Variants in NAP1L4 observed in about 807,000 individuals in gnomAD.
NAP1L4 encodes the protein nucleosome assembly protein 1 like 4.
In NAP1L4, 15 loss-of-function variants were observed where a neutral mutation model predicts 58.2. The ratio of observed to expected loss-of-function variants is 0.26; its 90% CI spans 0.17 to 0.40. The LOEUF (loss-of-function observed/expected upper bound fraction) is 0.40. Among genes scored for constraint, NAP1L4 ranks in the 10% least tolerant of loss-of-function variants. The pLI, the probability that NAP1L4 is intolerant of heterozygous loss-of-function variation, is 1.00. For missense variants in NAP1L4, 384 were observed against 451.1 expected (o/e 0.85, Z 1.35); for synonymous variants, 171 against 155.6 (o/e 1.10, Z -0.74).
rs756382473 is a variant in NAP1L4 at position 2,951,238 on chromosome 11, G to A, written c.1122+21C>T. ...GAGTGCAGCATAATAAGTAGGTCTG[G>A]GTGGCCCCAAAGTTACCAACCTTGG... On this transcript the variant is annotated intron_variant, in intron 14 of 15. Transcript: ENST00000380542. The surrounding 1 kb of genome is among the most constrained non-coding windows in gnomAD (Gnocchi z 4.0). 5.0e-6 allele frequency: 8 copies of A among 1,608,742 alleles called. No individual in the cohort carries two copies. In the East Asian group the frequency reaches 8.9e-5, roughly 18 times the overall value.
chr11:2,984,572 A>G (rs1848517226), intron 1 of NAP1L4, among the ~76,000 whole-genome samples: 1 of 152,186 alleles, frequency 6.6e-6, no homozygotes, highest in Non-Finnish European at 1.5e-5. Context: ...ACTCTGTCTC[A>G]AAAAACAAAC....
intron 1 of NAP1L4, among the ~76,000 whole-genome samples, chr11:2,980,156 T>C (rs1327914930): frequency 6.6e-6 from 1 of 152,244 alleles, no homozygotes; most frequent in African/African-American, 2.4e-5. Flanking sequence ...CATTTACTTC[T>C]TAAATAGAAG....
intron 15 of NAP1L4, among the ~76,000 whole-genome samples, chr11:2,947,618 G>GAA (rs879935518): frequency 9.7e-5 from 14 of 144,122 alleles, no homozygotes; most frequent in African/African-American, 3.0e-4. Flanking sequence ...GACACATGCC[G>GAA]AAAAAAAAAA....
chr11:2,975,404 T>C (rs917367812), intron 4 of NAP1L4, among the ~76,000 whole-genome samples: 9 of 152,024 alleles, frequency 5.9e-5, no homozygotes, highest in Admixed American at 2.6e-4. Flanking sequence ...ATTTTCATAG[T>C]GCAATACATC....
At chr11:2,987,864 G>A (rs1848738294) in intron 1 of NAP1L4, among the ~76,000 whole-genome samples, 1 of 151,962 alleles carries the variant, frequency 6.6e-6, no homozygotes, top group Non-Finnish European at 1.5e-5. Context: ...GAAGTCCCAA[G>A]GCCCAGCAAC....
At chr11:2,974,897 G>A (rs995502998) in intron 4 of NAP1L4, among the ~76,000 whole-genome samples, 6 of 152,120 alleles carry the variant, frequency 3.9e-5, no homozygotes, top group Non-Finnish European at 7.3e-5. Flanking sequence ...GAGTGGTGGC[G>A]TGCACCTGCA....
intron 1 of NAP1L4, among the ~76,000 whole-genome samples, chr11:2,985,417 A>T (rs145971267): frequency 9.8e-4 from 150 of 152,314 alleles, no homozygotes; most frequent in African/African-American, 3.5e-3. Context: ...TTTAAATGTT[A>T]TGTTCAGTTT....
Position 2,945,602 on chromosome 11 carries a change from C to G in NAP1L4, c.*77G>C. 1.3e-6 allele frequency: 2 copies of G among 1,536,046 alleles called. No homozygotes were observed. The highest frequency in any genetic ancestry group is 8.7e-7 in the Non-Finnish European group (1 of 1,146,858). ...AGCCGGTCTGCCAGGCACCCGCCTC[C>G]GCTTCCTACTGCTGCTTGCATTCCG... is the stretch of plus-strand genomic sequence containing the variant. On this transcript the variant is annotated 3_prime_UTR_variant, in exon 16 of 16. Coordinates refer to ENST00000380542, the MANE Select transcript of NAP1L4 (RefSeq NM_005969.4).
At chr11:2,979,260 A>G (rs781023657) in intron 1 of NAP1L4, 23 bp from the exon 2 acceptor site, 1 of 1,581,280 alleles carries the variant, frequency 6.3e-7, no homozygotes, top group Non-Finnish European at 8.6e-7. Context: ...AAGAGTTGTA[A>G]TAATTATATT....
chr11:2,976,076 A>G lies in NAP1L4; in HGVS notation c.121T>C (p.Leu41=). 6.2e-7 allele frequency: 1 copy of G among 1,614,084 alleles called. No homozygotes were observed. Among genetic ancestry groups the G allele is most frequent in the East Asian group, 2.2e-5 (1 of 44,880 alleles). Residue 41 remains leucine (L), a synonymous_variant, in exon 4 of 16, where the codon TTA becomes CTA. Coordinates refer to ENST00000380542, the MANE Select transcript of NAP1L4 (RefSeq NM_005969.4). Reference sequence around the variant, plus strand: ...GGGACATTGTCAAGTCGCTCCTGTAAAGCTGCCAGAACTCGAGGATTCTGC... The same window carrying G: ...GGGACATTGTCAAGTCGCTCCTGTAGAGCTGCCAGAACTCGAGGATTCTGC... ...VMQNPRVLAA[L]QERLDNVPHT...
intron 1 of NAP1L4, chr11:2,981,744 T>C (rs924821231): frequency 6.6e-6 from 1 of 152,160 alleles, no homozygotes; most frequent in African/African-American, 2.4e-5. Flanking sequence ...GGAGAATCGC[T>C]TGAATACAGG....
At chr11:2,986,918 C>G (rs951116374) in intron 1 of NAP1L4, among the ~76,000 whole-genome samples, 1 of 52,214 alleles carries the variant, frequency 1.9e-5, no homozygotes. Context: ...TATGAGCCAC[C>G]GCACTCTAAG....
At chr11:2,960,051 G>A (rs1422202276) in intron 8 of NAP1L4, 142 bp from the exon 9 acceptor site, 7 of 815,748 alleles carry the variant, frequency 8.6e-6, no homozygotes, top group African/African-American at 3.5e-5. Context: ...CTTCTCCACC[G>A]CAAAAAAGAC....
chr11:2,969,759 G>C (rs1191996106), intron 7 of NAP1L4, 44 bp downstream of exon 7: 3 of 1,566,538 alleles, frequency 1.9e-6, no homozygotes, highest in Admixed American at 1.9e-5. Flanking sequence ...AGTAATGTTA[G>C]AAGACTAGCA....
At chr11:2,991,989 G>C (rs1054146648) in intron 1 of NAP1L4, 1 of 152,002 alleles carries the variant, frequency 6.6e-6, no homozygotes, top group Non-Finnish European at 1.5e-5. Context: ...AGTGAGGCGG[G>C]CAGCCGGGCG....
chr11:2,949,275 A>G lies in NAP1L4; in HGVS notation c.1123-11T>C, dbSNP rs1426150405. 2 of 1,586,754 alleles carry G rather than the reference A, an allele frequency of 1.3e-6. No individual in the cohort carries two copies. The highest frequency in any genetic ancestry group is 1.1e-5 in the South Asian group (1 of 90,428). ...AGACAAAAATTACACCTAAATGGGG[A>G]AAAAAATTGAAAGGAACTGTCAGCA... On this transcript the variant is annotated splice_polypyrimidine_tract_variant and intron_variant, in intron 14 of 15. Coordinates refer to ENST00000380542, the MANE Select transcript of NAP1L4 (RefSeq NM_005969.4). This position sits in a 1 kb window ranked among gnomAD's most constrained non-coding sequence, Gnocchi z 4.0.
rs551478455 is a variant in NAP1L4 at position 2,948,080 on chromosome 11, G to A, written c.*32+1147C>T. On this transcript the variant is annotated intron_variant, in intron 15 of 15. Coordinates refer to ENST00000380542, the MANE Select transcript of NAP1L4 (RefSeq NM_005969.4). This position sits in a 1 kb window ranked among gnomAD's most constrained non-coding sequence, Gnocchi z 5.1. ...GGGGTGGCGTGGGAGAGTGGGTGAG[G>A]GTACAGGTGGAATAAGAGTGGCTAA... is the stretch of plus-strand genomic sequence containing the variant. 6.6e-6 allele frequency among the ~76,000 whole-genome samples: 1 copy of A among 152,278 alleles called. No homozygotes were observed. The highest frequency in any genetic ancestry group is 1.5e-5 in the Non-Finnish European group (1 of 68,020).
At chr11:2,976,533 T>A (rs1847974289) in intron 3 of NAP1L4, among the ~76,000 whole-genome samples, 1 of 152,170 alleles carries the variant, frequency 6.6e-6, no homozygotes, top group African/African-American at 2.4e-5. Context: ...ATCCACTAGC[T>A]CCCTTGCTCA....
chr11:2,978,904 G>C (rs182847015), intron 2 of NAP1L4, among the ~76,000 whole-genome samples: 1 of 152,284 alleles, frequency 6.6e-6, no homozygotes, highest in East Asian at 1.9e-4. Context: ...TCTTCCACTT[G>C]ATCACTGACA....
Sources: gnomAD v4.1 joint callset for allele counts (sites outside exome capture counted in the v4.1 genomes callset) on GRCh38, gnomAD v4.1.1 for gene constraint, Gnocchi (gnomAD v3.1) non-coding constraint, MANE v1.5 for transcripts, NCBI Gene and HGNC (gene_info 2026-07-23, HGNC 2026-07-21) for gene names.